Variants in SMARCA2 observed in about 807,000 individuals in gnomAD.
SMARCA2 encodes SWI/SNF-related matrix-associated actin-dependent regulator of chromatin subfamily A member 2.
A neutral mutation model predicts 199.8 loss-of-function variants in SMARCA2; 61 were observed. The ratio of observed to expected loss-of-function variants is 0.31; its 90% confidence interval spans 0.25 to 0.38. The LOEUF (loss-of-function observed/expected upper bound fraction) is 0.38. Ranked by LOEUF, SMARCA2 falls within the 10% of genes least tolerant of loss-of-function variation. The pLI is 1.00. For missense variants in SMARCA2, 1,344 were observed against 2,012.2 expected, an observed-to-expected ratio of 0.67 and a Z score of 6.35; for synonymous variants, 935 against 732.0, an observed-to-expected ratio of 1.28 and a Z score of -4.48.
intron 23 of SMARCA2, among the ~76,000 whole-genome samples, chr9:2,105,482 G>T (rs12380561): frequency 0.1 from 15,486 of 151,754 alleles, 862 homozygotes; most frequent in Middle Eastern, 0.17. Context: ...TTGAACTCCT[G>T]ACCTCAAGTG....
chr9:2,148,532 G>A (rs1228851618), intron 27 of SMARCA2, among the ~76,000 whole-genome samples: 1 of 151,110 alleles, frequency 6.6e-6, no homozygotes, highest in African/African-American at 2.4e-5. Flanking sequence ...GGGTACATGT[G>A]CACAATGTGC....
chr9:2,187,686 T>G (rs893541690), intron 32 of SMARCA2, among the ~76,000 whole-genome samples: 1 of 151,792 alleles, frequency 6.6e-6, no homozygotes, highest in African/African-American at 2.4e-5. Context: ...AAAAAAAAAA[T>G]TTTAAATATA....
intron 10 of SMARCA2, among the ~76,000 whole-genome samples, chr9:2,071,826 A>G (rs1453945514): frequency 2.0e-5 from 3 of 152,242 alleles, no homozygotes; most frequent in Admixed American, 2.0e-4. Flanking sequence ...AGCAAATTGT[A>G]GATTTCCTTC....
intron 26 of SMARCA2, among the ~76,000 whole-genome samples, chr9:2,122,281 T>C (rs2130621147): frequency 6.6e-6 from 1 of 152,296 alleles, no homozygotes; most frequent in Admixed American, 6.5e-5. Context: ...AAACCAAAGA[T>C]TGAAATGGCA....
intron 24 of SMARCA2, among the ~76,000 whole-genome samples, chr9:2,111,451 C>A (rs1289423669): frequency 6.7e-6 from 1 of 148,242 alleles, no homozygotes; most frequent in African/African-American, 2.5e-5. Flanking sequence ...ATGATCGTAC[C>A]ACCGCTCTCC....
intron 19 of SMARCA2, among the ~76,000 whole-genome samples, chr9:2,089,219 A>C (rs1563761096): frequency 6.6e-6 from 1 of 152,182 alleles, no homozygotes; most frequent in South Asian, 2.1e-4. Flanking sequence ...CTTAGTCTGC[A>C]GTACTTTAGA....
rs1235482698 is a variant in SMARCA2, at chr9:2,161,061, T to C, written c.3982-625T>C. The C allele has an allele frequency of 6.3e-6, 1 of 159,704 alleles. No homozygotes were observed. The highest frequency in any genetic ancestry group is 1.4e-5 in the Non-Finnish European group (1 of 72,716). The allele number at this position is 159,704 out of a possible 1,614,324, so 9.9% of individuals were successfully genotyped here. A position where few individuals can be genotyped will look rare whatever the true frequency, so the allele number is the denominator to read the frequency against. On this transcript the variant is annotated intron_variant, in intron 27 of 33. Transcript: ENST00000349721. The surrounding 1 kb of genome is among the most constrained non-coding windows in gnomAD (Gnocchi z 4.7). Reference sequence around the variant, plus strand: ...GTAATTGGAAAAAAGTGTTTATTGTTTGTGAGTGTGTGTGTTCTTTATCGA... The same window carrying C: ...GTAATTGGAAAAAAGTGTTTATTGTCTGTGAGTGTGTGTGTTCTTTATCGA...
chr9:2,099,079 GT>G (rs1209944481), intron 21 of SMARCA2, among the ~76,000 whole-genome samples: 2 of 152,164 alleles, frequency 1.3e-5, no homozygotes, highest in African/African-American at 4.8e-5. Flanking sequence ...TCTTCATGTT[GT>G]AATGTGCTTG....
At position 2,146,284 on chromosome 9, in the gene SMARCA2, C is replaced by T. The variant is rs573938027; in HGVS notation, c.3982-15402C>T. Reference sequence around the variant, plus strand: ...CATGACCTAATCACCTCCCAAAGGCCCCACCTCCTAATACCATCACCTTGT... The same window carrying T: ...CATGACCTAATCACCTCCCAAAGGCTCCACCTCCTAATACCATCACCTTGT... On this transcript the variant is annotated intron_variant, in intron 27 of 33. Coordinates refer to ENST00000349721, the MANE Select transcript of SMARCA2 (RefSeq NM_003070.5). Among the ~76,000 whole-genome samples the T allele has an allele frequency of 2.2e-4, 33 of 152,156 alleles. No homozygotes were observed. In the South Asian group the frequency reaches 6.4e-3, roughly 30 times the overall value.
At chr9:2,148,907 G>A (rs1824901467) in intron 27 of SMARCA2, among the ~76,000 whole-genome samples, 1 of 151,466 alleles carries the variant, frequency 6.6e-6, no homozygotes, top group African/African-American at 2.4e-5. Context: ...GTCTCCTGGT[G>A]TCTCCTTCTC....
rs963467277 is a variant in SMARCA2, at chr9:2,077,552, A to G, written c.2037-77A>G. 14 of 1,463,324 alleles carry G rather than the reference A, an allele frequency of 9.6e-6. No individual in the cohort carries two copies. In the African/African-American group the frequency reaches 1.4e-4, roughly 15 times the overall value. 90.6% of individuals were successfully genotyped at this position (1,463,324 alleles called of 1,614,324 possible). On this transcript the variant is annotated intron_variant, in intron 13 of 33. Coordinates refer to ENST00000349721, the MANE Select transcript of SMARCA2 (RefSeq NM_003070.5). Reference sequence around the variant, plus strand: ...TTATTGCAGCTATTTTAGGTTCTCAAATCATTTTTTGAGTGAAGTAAAACA... The same window carrying G: ...TTATTGCAGCTATTTTAGGTTCTCAGATCATTTTTTGAGTGAAGTAAAACA...
At chr9:2,188,959 G>A (rs1223569746) in intron 32 of SMARCA2, among the ~76,000 whole-genome samples, 3 of 152,134 alleles carry the variant, frequency 2.0e-5, no homozygotes, top group Non-Finnish European at 2.9e-5. Context: ...CAACTTTAAA[G>A]CCAGCAATGA....
chr9:2,170,922 C>T lies in SMARCA2; in HGVS notation c.4253+450C>T, dbSNP rs199719269. On this transcript the variant is annotated intron_variant, in intron 29 of 33. Coordinates refer to ENST00000349721, the MANE Select transcript of SMARCA2 (RefSeq NM_003070.5). This position sits in a 1 kb window ranked among gnomAD's most constrained non-coding sequence, Gnocchi z 4.7. ...AGAAGCGTGCATGTTCACGCTGTGT[C>T]TGCATTCCAGAGTTGATCATGGCAT... Among the ~76,000 whole-genome samples, 3 of 152,206 alleles carry T rather than the reference C, an allele frequency of 2.0e-5. No homozygotes were observed. The East Asian group carries it at 5.8e-4, about 29-fold the overall frequency.
chr9:2,166,363 C>T (rs1406645765), intron 28 of SMARCA2, among the ~76,000 whole-genome samples: 1 of 152,106 alleles, frequency 6.6e-6, no homozygotes, highest in Non-Finnish European at 1.5e-5. Context: ...TTACTTTTTC[C>T]AGCAACCTTG....
At chr9:2,155,711 A>G (rs1362799602) in intron 27 of SMARCA2, among the ~76,000 whole-genome samples, 4 of 134,060 alleles carry the variant, frequency 3.0e-5, no homozygotes, top group African/African-American at 1.1e-4. Context: ...ATATGGGGAA[A>G]GAGAAAACCT....
At chr9:2,178,775 G>A (rs554017702) in intron 29 of SMARCA2, among the ~76,000 whole-genome samples, 1 of 152,204 alleles carries the variant, frequency 6.6e-6, no homozygotes, top group Non-Finnish European at 1.5e-5. Flanking sequence ...TCCAGCAAGT[G>A]TTCGTGCTAC....
rs368779699 is a variant in SMARCA2 at position 2,119,876 on chromosome 9, G to C, written c.3762+341G>C. On this transcript the variant is annotated intron_variant, in intron 26 of 33. Coordinates refer to ENST00000349721, the MANE Select transcript of SMARCA2 (RefSeq NM_003070.5). The surrounding 1 kb of genome is among the most constrained non-coding windows in gnomAD (Gnocchi z 4.6). ...CAGCTGCACTCTCTGGACAGGCCTC[G>C]CGGTCTACAGCTTACCATAGACGCC... Among the ~76,000 whole-genome samples, 1 of 152,172 alleles carries C rather than the reference G, an allele frequency of 6.6e-6. No individual in the cohort carries two copies. The highest frequency in any genetic ancestry group is 1.5e-5 in the Non-Finnish European group (1 of 68,046).
At chr9:2,030,461 T>G (rs1329828862) in intron 2 of SMARCA2, among the ~76,000 whole-genome samples, 1 of 150,960 alleles carries the variant, frequency 6.6e-6, no homozygotes, top group Non-Finnish European at 1.5e-5. Flanking sequence ...GAAGAGTCAG[T>G]GGAGTAAGTT....
chr9:2,038,667 C>T (rs1586634043), intron 3 of SMARCA2, among the ~76,000 whole-genome samples: 1 of 152,048 alleles, frequency 6.6e-6, no homozygotes, highest in African/African-American at 2.4e-5. Flanking sequence ...TGAAAATACC[C>T]CCCCTTTACT....
Sources: allele counts gnomAD v4.1 joint callset (sites outside exome capture counted in the v4.1 genomes callset), GRCh38; gene constraint gnomAD v4.1.1; non-coding constraint Gnocchi (gnomAD v3.1); transcripts MANE v1.5; gene names NCBI Gene and HGNC (gene_info 2026-07-23, HGNC 2026-07-21).